PIGK: variants seen among roughly 807,000 people sequenced by gnomAD.
PIGK encodes phosphatidylinositol glycan anchor biosynthesis class K, also known as GPI-anchor transamidase.
PIGK carries 42 observed loss-of-function variants against 50.6 expected under a neutral mutation model. The ratio of observed to expected loss-of-function variants is 0.83; its 90% CI spans 0.65 to 1.07. PIGK has a LOEUF of 1.07. Ranked by LOEUF, PIGK falls within the 50% of genes least tolerant of loss-of-function variation. PIGK has a pLI of 0.00. For synonymous variants in PIGK, 151 were observed against 156.0 expected, an observed-to-expected ratio of 0.97 and a Z score of 0.24; for missense variants, 448 against 488.7, an observed-to-expected ratio of 0.92 and a Z score of 0.78.
intron 9 of PIGK, among the ~76,000 whole-genome samples, chr1:77,140,636 C>T (rs147176648): frequency 6.6e-6 from 1 of 152,088 alleles, no homozygotes; most frequent in East Asian, 1.9e-4. Context: ...CCAGAAGTTA[C>T]CTAATTTCTG....
chr1:77,196,141 G>C (rs1221339691), intron 3 of PIGK, among the ~76,000 whole-genome samples: 1 of 152,192 alleles, frequency 6.6e-6, no homozygotes, highest in Admixed American at 6.5e-5. Context: ...TACGCATGTA[G>C]CTGGAAAGGA....
At chr1:77,200,913 T>A (rs537377518) in intron 3 of PIGK, among the ~76,000 whole-genome samples, 1 of 152,302 alleles carries the variant, frequency 6.6e-6, no homozygotes, top group Admixed American at 6.5e-5. Context: ...TAACACAGTC[T>A]CTGAATTATG....
chr1:77,112,709 C>G (rs137928076), intron 10 of PIGK, among the ~76,000 whole-genome samples: 2,600 of 152,012 alleles, frequency 0.017, 43 homozygotes, highest in Non-Finnish European at 0.026. Flanking sequence ...TATAATGCAC[C>G]TTTTTTTCCC....
In PIGK at chr1:77,154,288, T is replaced by C. The variant is rs181307721; in HGVS notation, c.986+161A>G. ...TCCACTAATATTGATAGTTTTTACA[T>C]ATAAATCTGAAAAGCATACAGCCTA... On this transcript the variant is annotated intron_variant, in intron 9 of 10. Transcript: ENST00000370812. The C allele has an allele frequency of 2.2e-5, 13 of 587,034 alleles. No homozygotes were observed. The East Asian group carries it at 2.3e-4, about 10-fold the overall frequency. 36.4% of individuals were successfully genotyped at this position (587,034 alleles called of 1,614,324 possible). A position where few individuals can be genotyped will look rare whatever the true frequency, so the allele number is the denominator to read the frequency against.
chr1:77,204,676 C>T (rs1191729178), intron 3 of PIGK, among the ~76,000 whole-genome samples: 1 of 151,960 alleles, frequency 6.6e-6, no homozygotes, highest in East Asian at 1.9e-4. Flanking sequence ...TTTCTCAGAC[C>T]GGCCGACACT....
rs191559079 is a variant in PIGK, at chr1:77,199,976, T to C, written c.239+6664A>G. On this transcript the variant is annotated intron_variant, in intron 3 of 10. Coordinates refer to ENST00000370812, the MANE Select transcript of PIGK (RefSeq NM_005482.3). Reference sequence around the variant, plus strand: ...AAATCACCAAAAACAGAAATGAAAGTAACCATGTAGTAGTTGTCACAACAA... The same window carrying C: ...AAATCACCAAAAACAGAAATGAAAGCAACCATGTAGTAGTTGTCACAACAA... Among the ~76,000 whole-genome samples, 178 of 152,230 alleles carry C rather than the reference T, an allele frequency of 1.2e-3. 1 individual carries two copies. The highest frequency in any genetic ancestry group is 4.1e-3 in the African/African-American group (172 of 41,584).
At chr1:77,137,019 A>G (rs1480323101) in intron 9 of PIGK, among the ~76,000 whole-genome samples, 1 of 152,198 alleles carries the variant, frequency 6.6e-6, no homozygotes, top group Non-Finnish European at 1.5e-5. Context: ...CTTCTAAGAA[A>G]AGATACAGTC....
At chr1:77,199,147 AGCATCAAGGTAGTG>A (rs1656103539) in intron 3 of PIGK, among the ~76,000 whole-genome samples, 1 of 152,092 alleles carries the variant, frequency 6.6e-6, no homozygotes, top group African/African-American at 2.4e-5. Flanking sequence ...TAAACATAAG[AGCATCAAGGTAGTG>A]GCCAAACTTC....
chr1:77,133,579 G>A (rs977559149), intron 9 of PIGK, among the ~76,000 whole-genome samples: 9 of 152,224 alleles, frequency 5.9e-5, no homozygotes, highest in Admixed American at 5.9e-4. Context: ...ACTTAAGAAA[G>A]GTTATATACA....
intron 2 of PIGK, among the ~76,000 whole-genome samples, chr1:77,208,235 C>T (rs920596314): frequency 6.6e-6 from 1 of 151,818 alleles, no homozygotes; most frequent in East Asian, 1.9e-4. Context: ...CCAAAAACTC[C>T]CTTTTTAATT....
chr1:77,106,846 C>G (rs565807911), intron 10 of PIGK, among the ~76,000 whole-genome samples: 1 of 152,140 alleles, frequency 6.6e-6, no homozygotes, highest in African/African-American at 2.4e-5. Context: ...TAACACTACC[C>G]TTTAAAAGTA....
intron 9 of PIGK, among the ~76,000 whole-genome samples, chr1:77,138,181 A>G (rs1654565854): frequency 6.6e-6 from 1 of 152,212 alleles, no homozygotes; most frequent in Admixed American, 6.5e-5. Flanking sequence ...AATATAATTA[A>G]GGTCTGAAAT....
At chr1:77,202,173 T>C (rs1290399246) in intron 3 of PIGK, among the ~76,000 whole-genome samples, 2 of 152,230 alleles carry the variant, frequency 1.3e-5, no homozygotes, top group Non-Finnish European at 2.9e-5. Flanking sequence ...GTTTCCTTTC[T>C]CGTCTAGACT....
At chr1:77,186,777 G>A (rs111669894) in intron 3 of PIGK, among the ~76,000 whole-genome samples, 2,061 of 152,228 alleles carry the variant, frequency 0.014, 51 homozygotes, top group African/African-American at 0.047. Flanking sequence ...ACTCACCAAC[G>A]CTGACCTGGT....
At chr1:77,096,890 TTTTTTTTG>T (rs1396319957) in intron 10 of PIGK, among the ~76,000 whole-genome samples, 49 of 148,054 alleles carry the variant, frequency 3.3e-4, no homozygotes, top group Non-Finnish European at 5.3e-4. Context: ...TCTTTTTTTT[TTTTTTTTG>T]TTTTTTTGTT....
intron 9 of PIGK, among the ~76,000 whole-genome samples, chr1:77,134,781 T>A (rs1196071094): frequency 1.3e-5 from 2 of 152,248 alleles, no homozygotes; most frequent in East Asian, 3.8e-4. Context: ...AATTATTCCA[T>A]CCTGTTCAGA....
intron 2 of PIGK, 117 bp downstream of exon 2, chr1:77,210,319 G>A: frequency 1.9e-6 from 1 of 540,330 alleles, no homozygotes; most frequent in East Asian, 3.2e-5. Flanking sequence ...TCAAAATAAA[G>A]AATTTCTGAT....
chr1:77,170,117 A>T (rs1655327103), intron 3 of PIGK, among the ~76,000 whole-genome samples: 1 of 152,150 alleles, frequency 6.6e-6, no homozygotes, highest in African/African-American at 2.4e-5. Flanking sequence ...ATCTTCCTTA[A>T]ATAAGTCAAA....
At chr1:77,093,356 A>G (rs1463614565) in intron 10 of PIGK, among the ~76,000 whole-genome samples, 1 of 152,094 alleles carries the variant, frequency 6.6e-6, no homozygotes, top group African/African-American at 2.4e-5. Flanking sequence ...CAACAGCTAC[A>G]TTACAGCCTT....
Sources: gnomAD v4.1 joint callset for allele counts (sites outside exome capture counted in the v4.1 genomes callset) on GRCh38, gnomAD v4.1.1 for gene constraint, MANE v1.5 for transcripts, NCBI Gene and HGNC (gene_info 2026-07-23, HGNC 2026-07-21) for gene names.